The following NALF1 variants were observed in gnomAD, a reference collection of about 807,000 sequenced individuals.
NALF1 encodes NALCN channel auxiliary factor 1.
NALF1 carries 3 observed loss-of-function variants against 48.4 expected under a neutral mutation model. The observed-to-expected ratio is 0.06, with a 90% confidence interval of 0.03 to 0.16. NALF1 has a LOEUF of 0.16. Ranked by LOEUF, NALF1 falls within the 10% of genes least tolerant of loss-of-function variation. The probability of loss-of-function intolerance (pLI) is 1.00; values close to 1 mark genes in which losing one functional copy is unlikely to be tolerated. For missense variants in NALF1, 526 were observed against 571.5 expected, an observed-to-expected ratio of 0.92 and a Z score of 0.81; for synonymous variants, 262 against 245.7, an observed-to-expected ratio of 1.07 and a Z score of -0.62.
chr13:107,383,827 G>A (rs943701170), intron 1 of NALF1, among the ~76,000 whole-genome samples: 9 of 152,130 alleles, frequency 5.9e-5, no homozygotes, highest in Admixed American at 3.3e-4. Context: ...AACATAGGAA[G>A]TTAAGACGCA....
intron 1 of NALF1, among the ~76,000 whole-genome samples, chr13:107,815,287 C>T (rs1252943815): frequency 6.6e-6 from 1 of 151,246 alleles, no homozygotes; most frequent in Non-Finnish European, 1.5e-5. Context: ...TATCTAGGAT[C>T]CAAAAAGAAC....
chr13:107,549,462 C>G (rs1288915923), intron 1 of NALF1, among the ~76,000 whole-genome samples: 1 of 152,118 alleles, frequency 6.6e-6, no homozygotes, highest in Non-Finnish European at 1.5e-5. Flanking sequence ...AAATTCAGCT[C>G]TGAGAACTAC....
At chr13:107,589,583 C>T (rs1222413204) in intron 1 of NALF1, among the ~76,000 whole-genome samples, 2 of 151,906 alleles carry the variant, frequency 1.3e-5, no homozygotes, top group Non-Finnish European at 2.9e-5. Flanking sequence ...TAAAGAATAG[C>T]TGGTATTTGC....
rs752264469 is a variant in NALF1 at position 107,866,062 on chromosome 13, C to A, written c.535G>T (p.Gly179Cys). ...ETCYPQGASS[G>C]QCFTVENADA... is the part of the protein sequence containing the mutation. Reference sequence around the variant, plus strand: ...GCATTCTCCACCGTGAAGCACTGGCCCGAGGACGCGCCCTGGGGGTAACAA... The same window carrying A: ...GCATTCTCCACCGTGAAGCACTGGCACGAGGACGCGCCCTGGGGGTAACAA... The change falls in exon 1 of 3, where the codon GGC (glycine) becomes TGC (cysteine). Residue 179 changes from glycine to cysteine, a missense_variant. Gly to Cys is a radical substitution (Grantham distance 159). Transcript: ENST00000375915. This position sits in a 1 kb window ranked among gnomAD's most constrained non-coding sequence, Gnocchi z 4.4. 1 of 1,612,878 alleles carries A rather than the reference C, an allele frequency of 6.2e-7. No homozygotes were observed. Among genetic ancestry groups the A allele is most frequent in the Non-Finnish European group, 8.5e-7 (1 of 1,179,972 alleles).
At chr13:107,530,028 T>C (rs1409140539) in intron 1 of NALF1, among the ~76,000 whole-genome samples, 1 of 152,124 alleles carries the variant, frequency 6.6e-6, no homozygotes. Flanking sequence ...AAGGGTTCTA[T>C]AGCTAACTCA....
At chr13:107,768,778 G>A (rs1003771214) in intron 1 of NALF1, among the ~76,000 whole-genome samples, 22 of 151,970 alleles carry the variant, frequency 1.4e-4, no homozygotes, top group Admixed American at 3.9e-4. Context: ...GAAAATTTTC[G>A]CAACCTACTC....
intron 1 of NALF1, among the ~76,000 whole-genome samples, chr13:107,370,829 C>T (rs185223578): frequency 7.1e-4 from 108 of 152,288 alleles, no homozygotes; most frequent in African/African-American, 2.4e-3. Context: ...GCAAACACGT[C>T]CTTCTTCACA....
chr13:107,276,620 T>C (rs1881286721), intron 1 of NALF1, among the ~76,000 whole-genome samples: 1 of 152,174 alleles, frequency 6.6e-6, no homozygotes, highest in Admixed American at 6.5e-5. Flanking sequence ...ATGCCTGCTG[T>C]TTTGATGATT....
At chr13:107,420,069 CA>C (rs1884159623) in intron 1 of NALF1, among the ~76,000 whole-genome samples, 1 of 152,154 alleles carries the variant, frequency 6.6e-6, no homozygotes, top group South Asian at 2.1e-4. Flanking sequence ...TTTCTATCCT[CA>C]ATTTTTATTA....
intron 1 of NALF1, among the ~76,000 whole-genome samples, chr13:107,858,982 A>G (rs577126741): frequency 1.3e-4 from 20 of 152,330 alleles, no homozygotes; most frequent in African/African-American, 4.6e-4. Context: ...TCAAATAAAC[A>G]AAGTCAGTGA....
chr13:107,507,088 C>T (rs923127179), intron 1 of NALF1, among the ~76,000 whole-genome samples: 1 of 151,942 alleles, frequency 6.6e-6, no homozygotes, highest in South Asian at 2.1e-4. Flanking sequence ...GGTTCTTTCA[C>T]GAAACTTGTG....
intron 1 of NALF1, among the ~76,000 whole-genome samples, chr13:107,649,409 C>CT (rs1880392397): frequency 6.6e-6 from 1 of 152,114 alleles, no homozygotes; most frequent in Admixed American, 6.5e-5. Context: ...TTTATATAAT[C>CT]TTTTTTTAAG....
At chr13:107,189,873 G>A (rs4142907) in intron 2 of NALF1, among the ~76,000 whole-genome samples, 58,522 of 152,006 alleles carry the variant, frequency 0.38, 11,672 homozygotes, top group Middle Eastern at 0.51. Flanking sequence ...TTACAGGAGG[G>A]TGTAAACAAG....
chr13:107,606,316 ATGTG>A (rs199553645), intron 1 of NALF1, among the ~76,000 whole-genome samples: 1 of 146,320 alleles, frequency 6.8e-6, no homozygotes, highest in Non-Finnish European at 1.5e-5. Flanking sequence ...ACATATATAG[ATGTG>A]TGTGTTTATA....
intron 1 of NALF1, among the ~76,000 whole-genome samples, chr13:107,816,781 A>T (rs34918183): frequency 0.097 from 14,739 of 152,236 alleles, 773 homozygotes; most frequent in Middle Eastern, 0.21. Context: ...CAACAGAATT[A>T]TGTTGAATTT....
intron 1 of NALF1, among the ~76,000 whole-genome samples, chr13:107,316,279 T>C (rs1439669885): frequency 1.3e-5 from 2 of 152,232 alleles, no homozygotes; most frequent in Middle Eastern, 3.2e-3. Flanking sequence ...TGCCACATTT[T>C]CTTAATCCAG....
intron 1 of NALF1, among the ~76,000 whole-genome samples, chr13:107,215,696 G>C (rs745742312): frequency 6.6e-6 from 1 of 152,084 alleles, no homozygotes. Flanking sequence ...ACGGGACCAG[G>C]ATCACCATGG....
intron 1 of NALF1, among the ~76,000 whole-genome samples, chr13:107,429,779 A>G (rs1884343711): frequency 6.6e-6 from 1 of 152,234 alleles, no homozygotes; most frequent in African/African-American, 2.4e-5. Flanking sequence ...AGATTAATTT[A>G]ACAAGGATAA....
At chr13:107,635,978 C>T (rs1434517668) in intron 1 of NALF1, among the ~76,000 whole-genome samples, 1 of 152,066 alleles carries the variant, frequency 6.6e-6, no homozygotes, top group Non-Finnish European at 1.5e-5. Flanking sequence ...TAAAGAAAAG[C>T]ATTTTACAGA....
Sources: gnomAD v4.1 joint callset for allele counts (sites outside exome capture counted in the v4.1 genomes callset) on GRCh38, gnomAD v4.1.1 for gene constraint, Gnocchi (gnomAD v3.1) non-coding constraint, MANE v1.5 for transcripts, NCBI Gene and HGNC (gene_info 2026-07-23, HGNC 2026-07-21) for gene names.